TRIML2: variants seen among roughly 807,000 people sequenced by gnomAD.
The protein encoded by TRIML2 is tripartite motif family like 2.
Under a neutral mutation model 31.2 loss-of-function variants are expected in TRIML2, and 28 were observed. The observed-to-expected ratio is 0.90, with a 90% CI of 0.66 to 1.23. The LOEUF (loss-of-function observed/expected upper bound fraction) is 1.23, where lower values mean the gene tolerates loss of function less well. Ranked by LOEUF, TRIML2 falls within the 50% of genes most tolerant of loss-of-function variation. The pLI, the probability that TRIML2 is intolerant of heterozygous loss-of-function variation, is 0.00. For synonymous variants in TRIML2, 187 were observed against 197.5 expected, an observed-to-expected ratio of 0.95 and a Z score of 0.45; for missense variants, 536 against 528.3, an observed-to-expected ratio of 1.01 and a Z score of -0.14.
chr4:188,102,365 G>C (rs1426165514), intron 3 of TRIML2, among the ~76,000 whole-genome samples: 1 of 152,036 alleles, frequency 6.6e-6, no homozygotes, highest in Non-Finnish European at 1.5e-5. Context: ...CTATGGAAAG[G>C]CTGGATTCCA....
chr4:188,093,142 G>T, intron 7 of TRIML2: 1 of 254,858 alleles, frequency 3.9e-6, no homozygotes, highest in Non-Finnish European at 7.8e-6. Context: ...TGCTTCAGTT[G>T]TCTAAGCCAT....
At chr4:188,105,773 G>T (rs1042287678) in intron 1 of TRIML2, 183 bp from the exon 2 acceptor site, 38 of 165,432 alleles carry the variant, frequency 2.3e-4, no homozygotes, top group Non-Finnish European at 2.3e-4. Flanking sequence ...TTCAGGACTA[G>T]AGTGAGGTAA....
chr4:188,091,973 G>A, intron 7 of TRIML2, 32 bp from the exon 8 acceptor site: 1 of 1,577,226 alleles, frequency 6.3e-7, no homozygotes. Context: ...GTTAACCTAG[G>A]AGTTCACCAA....
intron 6 of TRIML2, 24 bp from the exon 7 acceptor site, chr4:188,097,185 T>C: frequency 6.2e-7 from 1 of 1,608,786 alleles, no homozygotes; most frequent in Non-Finnish European, 8.5e-7. Flanking sequence ...ACAGCCTCAG[T>C]CATCTGCACA....
rs755224766 is a variant in TRIML2, at chr4:188,105,259, AG to A, written c.109del (p.Leu37SerfsTer34). On this transcript the variant is annotated frameshift_variant, in exon 2 of 8. Transcript: ENST00000682553. LOFTEE classifies it high-confidence loss of function. Reference sequence around the variant, plus strand: ...CTGGGACTGGAAGCATTTGCTGCAGAGTGTGATTTGGTCAACATCACAGAAC... The same window carrying A: ...CTGGGACTGGAAGCATTTGCTGCAGATGTGATTTGGTCAACATCACAGAAC... ...RLFCDVDQITLCSKCFQSQEH... is the reference protein window; with the variant it reads ...RLFCDVDQITXCSKCFQSQEH... 2 of 1,612,736 alleles carry A rather than the reference AG, an allele frequency of 1.2e-6. No homozygotes were observed. The highest frequency in any genetic ancestry group is 1.7e-6 in the Non-Finnish European group (2 of 1,178,834).
chr4:188,094,828 A>G (rs1297297108), intron 7 of TRIML2, among the ~76,000 whole-genome samples: 4 of 152,234 alleles, frequency 2.6e-5, no homozygotes, highest in African/African-American at 9.6e-5. Flanking sequence ...AGCCAAAACT[A>G]TTCTGAAAAA....
chr4:188,094,945 C>A (rs1039727449), intron 7 of TRIML2, among the ~76,000 whole-genome samples: 1 of 152,116 alleles, frequency 6.6e-6, no homozygotes, highest in African/African-American at 2.4e-5. Flanking sequence ...ATCAATAGAC[C>A]TATTAGAGTC....
At chr4:188,093,110 T>C in intron 7 of TRIML2, 1 of 311,242 alleles carries the variant, frequency 3.2e-6, no homozygotes, top group Non-Finnish European at 6.3e-6. Context: ...AGTCTCTACT[T>C]CTCAGTTCAC....
chr4:188,106,629 C>A (rs1734054901), intron 1 of TRIML2: 2 of 155,556 alleles, frequency 1.3e-5, no homozygotes, highest in South Asian at 3.4e-4. Context: ...TCTCCCAGGT[C>A]GCGGCTCAGG....
rs1247853710 is a variant in TRIML2, at chr4:188,105,281, A to C, written c.88T>G (p.Cys30Gly). ...ETHLEPTRLFCDVDQITLCSK... is the reference protein window; with the variant it reads ...ETHLEPTRLFGDVDQITLCSK... ...CAGAGTGTGATTTGGTCAACATCAC[A>C]GAACAGCCGTGTTGGTTCCAGGTGT... The change falls in exon 2 of 8, where the codon TGT (cysteine) becomes GGT (glycine). Residue 30 changes from cysteine (C) to glycine (G), a missense_variant. By Grantham distance (159) the Cys-to-Gly change is radical. Coordinates refer to ENST00000682553, the MANE Select transcript of TRIML2 (RefSeq NM_173553.4). 6.2e-7 allele frequency: 1 copy of C among 1,612,796 alleles called. No homozygotes were observed. Among genetic ancestry groups the C allele is most frequent in the East Asian group, 2.2e-5 (1 of 44,818 alleles).
At chr4:188,097,881 G>A (rs941647078) in intron 5 of TRIML2, among the ~76,000 whole-genome samples, 1 of 152,150 alleles carries the variant, frequency 6.6e-6, no homozygotes, top group Non-Finnish European at 1.5e-5. Context: ...CAGCACTTTG[G>A]GAGGCCAAGG....
intron 3 of TRIML2, among the ~76,000 whole-genome samples, 182 bp from the exon 4 acceptor site, chr4:188,101,432 A>C (rs1426636013): frequency 6.6e-6 from 1 of 152,066 alleles, no homozygotes; most frequent in Non-Finnish European, 1.5e-5. Context: ...GCAGTGGCTC[A>C]CGCCTGCAAT....
At chr4:188,108,686 C>T (rs1734134757) in intron 1 of TRIML2, among the ~76,000 whole-genome samples, 1 of 152,096 alleles carries the variant, frequency 6.6e-6, no homozygotes, top group Non-Finnish European at 1.5e-5. Flanking sequence ...TTCCCCCTTC[C>T]GTGGCCAACA....
In TRIML2 at chr4:188,091,636, T is replaced by TCTTTAATTAATTAAAGGA. The variant is rs1378785607; in HGVS notation, c.1050_1051insTCCTTTAATTAATTAAAG (p.Trp350_Thr351insSerPheAsnTer). The TCTTTAATTAATTAAAGGA allele has an allele frequency of 6.2e-7, 1 of 1,613,644 alleles. No individual in the cohort carries two copies. The highest frequency in any genetic ancestry group is 1.3e-5 in the African/African-American group (1 of 74,806). ...TTCAGAGGGGGGAAGACCCAGAGAG[T>TCTTTAATTAATTAAAGGA]CCACTCGGTCCCCATCACCGACCCC... On this transcript the variant is annotated stop_gained and inframe_insertion, in exon 8 of 8. Transcript: ENST00000682553. LOFTEE classifies it low-confidence loss of function (END_TRUNC).
At chr4:188,093,544 C>T (rs1371550172) in intron 7 of TRIML2, among the ~76,000 whole-genome samples, 1 of 152,074 alleles carries the variant, frequency 6.6e-6, no homozygotes, top group Non-Finnish European at 1.5e-5. Flanking sequence ...GGCCTGTAAT[C>T]CCAGCTACTC....
At chr4:188,101,708 C>A (rs1371359099) in intron 3 of TRIML2, among the ~76,000 whole-genome samples, 1 of 150,452 alleles carries the variant, frequency 6.6e-6, no homozygotes, top group African/African-American at 2.4e-5. Context: ...AACAAACAAA[C>A]AAAAAAAGAC....
chr4:188,108,327 A>G (rs779885230), intron 1 of TRIML2, among the ~76,000 whole-genome samples: 18 of 152,272 alleles, frequency 1.2e-4, no homozygotes, highest in Non-Finnish European at 2.2e-4. Flanking sequence ...CAAAATTAAC[A>G]TATCTAAAGC....
Position 188,091,604 on chromosome 4 carries a change from G to C in TRIML2, c.1083C>G (p.Leu361=), listed in dbSNP as rs776870903. The C allele has an allele frequency of 1.2e-6, 2 of 1,614,066 alleles. No homozygotes were observed. The highest frequency in any genetic ancestry group is 4.5e-5 in the East Asian group (2 of 44,890). The change falls in exon 8 of 8, where the codon CTC becomes CTG. Residue 361 remains leucine (L), a synonymous_variant. Transcript: ENST00000682553. ...TLWVFPPLKR[L]FLEKKLDTVG... is the part of the protein sequence containing the mutation. ...CTGTGTCCAACTTCTTTTCCAGGAA[G>C]AGCCTTTTCAGAGGGGGGAAGACCC... is the stretch of plus-strand genomic sequence containing the variant.
intron 3 of TRIML2, among the ~76,000 whole-genome samples, chr4:188,102,023 G>C (rs956749681): frequency 6.6e-6 from 1 of 151,312 alleles, no homozygotes; most frequent in South Asian, 2.1e-4. Context: ...CCAGCTACTC[G>C]GGAGGCTGAG....
Sources: allele counts gnomAD v4.1 joint callset (sites outside exome capture counted in the v4.1 genomes callset), GRCh38; gene constraint gnomAD v4.1.1; transcripts MANE v1.5; gene names NCBI Gene and HGNC (gene_info 2026-07-23, HGNC 2026-07-21).